The following FAM20C variants were observed in gnomAD, a reference collection of about 807,000 sequenced individuals.
FAM20C encodes FAM20C golgi associated secretory pathway kinase.
FAM20C carries 40 observed loss-of-function variants against 51.5 expected under a neutral mutation model. The ratio of observed to expected loss-of-function variants is 0.78; its 90% confidence interval spans 0.60 to 1.01. The LOEUF (loss-of-function observed/expected upper bound fraction) is 1.01, where lower values mean the gene tolerates loss of function less well. FAM20C is among the 50% of genes least tolerant of loss of function. FAM20C has a pLI of 0.00. For synonymous variants in FAM20C, 406 were observed against 380.6 expected (o/e 1.07, Z -0.78); for missense variants, 861 against 844.7 (o/e 1.02, Z -0.24).
chr7:245,565 AG>A (rs1296658594), intron 3 of FAM20C, among the ~76,000 whole-genome samples: 4 of 152,104 alleles, frequency 2.6e-5, no homozygotes, highest in African/African-American at 9.7e-5. Context: ...GAAGCATGGC[AG>A]GGGCCGGCCT....
intron 8 of FAM20C, among the ~76,000 whole-genome samples, chr7:258,176 G>A (rs1237993016): frequency 1.3e-4 from 16 of 118,774 alleles, no homozygotes; most frequent in African/African-American, 5.2e-4. Flanking sequence ...TGGACCCACT[G>A]CCTGAGGTGC....
intron 6 of FAM20C, 108 bp downstream of exon 6, chr7:256,137 C>T (rs1583343842): frequency 1.5e-6 from 2 of 1,337,148 alleles, no homozygotes; most frequent in East Asian, 2.5e-5. Flanking sequence ...GAGATGGGTG[C>T]AGAGCCTGCT....
At chr7:257,481 G>T (rs140346223) in intron 8 of FAM20C, 5,489 of 208,736 alleles carry the variant, frequency 0.026, 92 homozygotes, top group Middle Eastern at 0.04. Flanking sequence ...TGCCACGGGG[G>T]GTCTTGGGCG....
intron 3 of FAM20C, among the ~76,000 whole-genome samples, chr7:230,016 G>A (rs1361749983): frequency 2.6e-5 from 4 of 152,140 alleles, no homozygotes; most frequent in Non-Finnish European, 5.9e-5. Flanking sequence ...ACCAGCTTCC[G>A]CTTCCGCGAC....
chr7:200,091 C>T (rs1173104206), intron 2 of FAM20C, among the ~76,000 whole-genome samples: 2 of 152,220 alleles, frequency 1.3e-5, no homozygotes, highest in Non-Finnish European at 2.9e-5. Context: ...GAACAAAGGG[C>T]TTCCGCTGGG....
chr7:198,439 C>G (rs953417301), intron 2 of FAM20C, among the ~76,000 whole-genome samples: 1 of 152,114 alleles, frequency 6.6e-6, no homozygotes. Flanking sequence ...CATTCACTAG[C>G]GAAAACTGAC....
At chr7:224,085 G>A (rs34872579) in intron 3 of FAM20C, among the ~76,000 whole-genome samples, 3,519 of 141,626 alleles carry the variant, frequency 0.025, 80 homozygotes, top group Non-Finnish European at 0.032. Flanking sequence ...AGGGTCGCAC[G>A]GCGGCTGTCC....
At chr7:223,024 C>T (rs1006234407) in intron 3 of FAM20C, among the ~76,000 whole-genome samples, 7 of 135,424 alleles carry the variant, frequency 5.2e-5, no homozygotes, top group African/African-American at 2.0e-4. Context: ...TGTGTGTGCC[C>T]GTGCATGTGT....
At chr7:216,678 TGTGAGAGTGTGTGTGTGTGTGAGACAGA>T (rs1786993656) in intron 3 of FAM20C, among the ~76,000 whole-genome samples, 6 of 110,268 alleles carry the variant, frequency 5.4e-5, no homozygotes, top group African/African-American at 2.0e-4. Context: ...ACAGAGTGTG[TGTGAGAGTGTGTGTGTGTGTGAGACAGA>T]GTGTGTGTGT....
chr7:258,171 C>A (rs532958316), intron 8 of FAM20C, among the ~76,000 whole-genome samples: 1 of 121,658 alleles, frequency 8.2e-6, no homozygotes, highest in African/African-American at 3.3e-5. Context: ...CAGGGTGGAC[C>A]CACTGCCTGA....
intron 2 of FAM20C, among the ~76,000 whole-genome samples, chr7:199,591 G>A (rs1269990183): frequency 3.9e-5 from 6 of 152,110 alleles, no homozygotes; most frequent in East Asian, 1.9e-4. Flanking sequence ...GCCTTCCCTC[G>A]GAACGGTTCC....
chr7:249,760 A>AAAAGG lies in FAM20C; in HGVS notation c.1072+1332_1072+1333insAGGAA, dbSNP rs1788323399. Among the ~76,000 whole-genome samples, 6 of 152,198 alleles carry AAAAGG rather than the reference A, an allele frequency of 3.9e-5. No homozygotes were observed. In the South Asian group the frequency reaches 1.2e-3, roughly 32 times the overall value. On this transcript the variant is annotated intron_variant, in intron 5 of 9. Transcript: ENST00000313766. ...GTCTCAAAAAAAAAGAAAAGAAAAG[A>AAAAGG]AACTGGCATTTGTGGCTCTGCCGAG... is the stretch of plus-strand genomic sequence containing the variant.
intron 8 of FAM20C, among the ~76,000 whole-genome samples, chr7:257,870 G>GGGTGGACCCACTGCCCGGGT (rs1788665442): frequency 1.3e-5 from 1 of 79,406 alleles, no homozygotes; most frequent in African/African-American, 3.8e-5. Context: ...CTGGAGATGG[G>GGGTGGACCCACTGCCCGGGT]GCTGGGTGGA....
chr7:259,464 C>CTCTG lies in FAM20C; in HGVS notation c.1506-263_1506-260dup, dbSNP rs36134788. 0.63 allele frequency among the ~76,000 whole-genome samples: 92,973 copies of CTCTG among 148,274 alleles called. 29,777 individuals carry two copies. The highest frequency in any genetic ancestry group is 0.73 in the African/African-American group (28,689 of 39,548). ...TATCTGTGTCTGTCTCTGTCTCTCTCTCTGTCTCGGTCTGCCTGTTTCTCT... is the reference window on the plus strand; with the variant it reads ...TATCTGTGTCTGTCTCTGTCTCTCTCTCTGTCTGTCTCGGTCTGCCTGTTTCTCT... On this transcript the variant is annotated intron_variant, in intron 9 of 9. Coordinates refer to ENST00000313766, the MANE Select transcript of FAM20C (RefSeq NM_020223.4).
chr7:194,360 G>GAAGCCAC (rs1785745091), intron 1 of FAM20C, among the ~76,000 whole-genome samples: 1 of 152,108 alleles, frequency 6.6e-6, no homozygotes, highest in South Asian at 2.1e-4. Context: ...TAAAGGGCGA[G>GAAGCCAC]AAGCCACGGC....
intron 8 of FAM20C, 147 bp downstream of exon 8, chr7:257,233 G>A (rs1225436187): frequency 5.9e-5 from 49 of 829,490 alleles, no homozygotes; most frequent in Non-Finnish European, 2.0e-5. Flanking sequence ...AGAGCCAGAT[G>A]CAGAGGGCGG....
At chr7:257,256 AC>A in intron 8 of FAM20C, 170 bp downstream of exon 8, 1 of 696,602 alleles carries the variant, frequency 1.4e-6, no homozygotes, top group Non-Finnish European at 2.3e-6. Flanking sequence ...CCAGGCCCCA[AC>A]CAGGAGGGAG....
At chr7:229,768 A>C (rs1181285776) in intron 3 of FAM20C, among the ~76,000 whole-genome samples, 1 of 152,180 alleles carries the variant, frequency 6.6e-6, no homozygotes, top group Non-Finnish European at 1.5e-5. Flanking sequence ...AAACAGCTTA[A>C]TATATCTCGC....
chr7:257,249 G>A, intron 8 of FAM20C, 163 bp downstream of exon 8: 1 of 736,540 alleles, frequency 1.4e-6, no homozygotes, highest in Non-Finnish European at 2.2e-6. Flanking sequence ...GGCGGCCCCA[G>A]GCCCCAACCA....
Sources: gnomAD v4.1 joint callset for allele counts (sites outside exome capture counted in the v4.1 genomes callset) on GRCh38, gnomAD v4.1.1 for gene constraint, MANE v1.5 for transcripts, NCBI Gene and HGNC (gene_info 2026-07-23, HGNC 2026-07-21) for gene names.